Variants in FBH1 observed in about 807,000 individuals in gnomAD.
FBH1 encodes the protein F-box DNA helicase 1, also known as DNA 3'-5' helicase 1.
Under a neutral mutation model 115.5 loss-of-function variants are expected in FBH1, and 43 were observed. That is an observed-to-expected ratio of 0.37 (90% CI 0.29 to 0.48). The LOEUF is 0.48. Ranked by LOEUF, FBH1 falls within the 20% of genes least tolerant of loss-of-function variation. FBH1 has a pLI of 0.99. For missense variants in FBH1, 1,001 were observed against 1,337.3 expected (o/e 0.75, Z 3.92); for synonymous variants, 524 against 507.8 (o/e 1.03, Z -0.43).
rs569400762 is a variant in FBH1, at chr10:5,933,991, G to T, written c.2830-2465G>T. ...TGATCACAGCCTGTGAATAAATTTG[G>T]GGATATCCTGTTTCAGAAGTGTCGA... is the stretch of plus-strand genomic sequence containing the variant. On this transcript the variant is annotated intron_variant, in intron 19 of 20. Transcript: ENST00000362091. The surrounding 1 kb of genome is among the most constrained non-coding windows in gnomAD (Gnocchi z 4.9). Among the ~76,000 whole-genome samples the T allele has an allele frequency of 2.0e-5, 3 of 152,268 alleles. No homozygotes were observed. The highest frequency in any genetic ancestry group is 7.2e-5 in the African/African-American group (3 of 41,554).
intron 1 of FBH1, chr10:5,893,848 A>G (rs1297723181): frequency 7.0e-6 from 2 of 284,696 alleles, no homozygotes; most frequent in Non-Finnish European, 1.1e-5. Context: ...TCTGGGACAT[A>G]GCAGATACGT....
intron 19 of FBH1, chr10:5,934,229 TC>T (rs1833166279): frequency 6.6e-6 from 1 of 152,164 alleles, no homozygotes; most frequent in Non-Finnish European, 1.5e-5. Context: ...CTTTGACCCC[TC>T]CCCCTTAGAA....
At chr10:5,898,235 G>A (rs1450537945) in intron 1 of FBH1, among the ~76,000 whole-genome samples, 2 of 152,188 alleles carry the variant, frequency 1.3e-5, no homozygotes, top group Non-Finnish European at 2.9e-5. Flanking sequence ...TAAGATCGAG[G>A]TGCCAGCAGA....
chr10:5,916,147 C>A, intron 9 of FBH1, 87 bp from the exon 10 acceptor site: 3 of 1,195,098 alleles, frequency 2.5e-6, no homozygotes, highest in East Asian at 2.3e-5. Context: ...AAGCTACCTC[C>A]TGGTGACATT....
upstream of FBH1, chr10:5,889,906 CT>C (rs970128581): frequency 6.0e-6 from 1 of 165,332 alleles, no homozygotes; most frequent in Admixed American, 6.4e-5. Flanking sequence ...CCTCCAGCCC[CT>C]GGGGGCCGGC....
In FBH1 at chr10:5,927,355, A is replaced by G. The variant is rs115042275; in HGVS notation, c.2723-80A>G. 9.4e-4 allele frequency: 967 copies of G among 1,029,252 alleles called. 6 individuals carry two copies. The African/African-American group carries it at 0.014, about 14-fold the overall frequency. 63.8% of individuals were successfully genotyped at this position (1,029,252 alleles called of 1,614,324 possible). A position where few individuals can be genotyped will look rare whatever the true frequency, so the allele number is the denominator to read the frequency against. On this transcript the variant is annotated intron_variant, in intron 18 of 20. Transcript: ENST00000362091. ...CTGCGGGGAATGGGTGGGGGCTAGTAAACATTTAGATGAGACATAAGGTTT... is the reference window on the plus strand; with the variant it reads ...CTGCGGGGAATGGGTGGGGGCTAGTGAACATTTAGATGAGACATAAGGTTT...
At chr10:5,916,117 T>C in intron 9 of FBH1, 117 bp from the exon 10 acceptor site, 1 of 877,544 alleles carries the variant, frequency 1.1e-6, no homozygotes, top group Non-Finnish European at 1.8e-6. Flanking sequence ...ACATTAACAC[T>C]CGCCTGTGTG....
rs1416325476 is a variant in FBH1, at chr10:5,906,384, A to G, written c.505A>G (p.Ser169Gly). ...PREARQEAED[S>G]TSRLSAESGE... ...GGAGGCCAGGCAAGAAGCAGAGGAC[A>G]GTACGTCTCGGCTCTCTGCGGAGTC... Residue 169 changes from serine (S) to glycine (G), a missense_variant, in exon 3 of 21, where the codon AGT (serine) becomes GGT (glycine). Physicochemically the swap from Ser to Gly is moderately conservative, Grantham distance 56. Around this residue, in one of 4 missense-constraint regions of FBH1, gnomAD observed 420 missense variants for 430.4 expected, o/e 0.98. Transcript: ENST00000362091. The surrounding 1 kb of genome is among the most constrained non-coding windows in gnomAD (Gnocchi z 7.3). The G allele has an allele frequency of 6.2e-7, 1 of 1,614,118 alleles. No individual in the cohort carries two copies. Among genetic ancestry groups the G allele is most frequent in the South Asian group, 1.1e-5 (1 of 91,088 alleles).
chr10:5,915,307 CAG>C lies in FBH1; in HGVS notation c.1397-93_1397-92del, dbSNP rs1288099699. The C allele has an allele frequency of 1.4e-5, 18 of 1,292,222 alleles. No individual in the cohort carries two copies. The Admixed American group carries it at 3.5e-4, about 25-fold the overall frequency. 80.0% of individuals were successfully genotyped at this position (1,292,222 alleles called of 1,614,324 possible). A position where few individuals can be genotyped will look rare whatever the true frequency, so the allele number is the denominator to read the frequency against. On this transcript the variant is annotated intron_variant, in intron 8 of 20. Transcript: ENST00000362091. This position sits in a 1 kb window ranked among gnomAD's most constrained non-coding sequence, Gnocchi z 5.2. ...ACTTGTTACTGTCCTGCTCTCAAGACAGAGGTGTGATAAGCCTGGACAAGGCC... is the reference window on the plus strand; with the variant it reads ...ACTTGTTACTGTCCTGCTCTCAAGACAGGTGTGATAAGCCTGGACAAGGCC...
chr10:5,908,680 C>CA (rs1275847272), intron 3 of FBH1, among the ~76,000 whole-genome samples: 1 of 151,626 alleles, frequency 6.6e-6, no homozygotes, highest in Admixed American at 6.6e-5. Flanking sequence ...GATCTCGGCT[C>CA]ACTGCAACCT....
In FBH1 at chr10:5,925,316, G is replaced by T; in HGVS notation, c.2597-51G>T. The T allele has an allele frequency of 6.3e-7, 1 of 1,599,138 alleles. No individual in the cohort carries two copies. The highest frequency in any genetic ancestry group is 8.5e-7 in the Non-Finnish European group (1 of 1,171,972). On this transcript the variant is annotated intron_variant, in intron 17 of 20. Coordinates refer to ENST00000362091, the MANE Select transcript of FBH1 (RefSeq NM_178150.3). The surrounding 1 kb of genome is among the most constrained non-coding windows in gnomAD (Gnocchi z 4.6). ...GAAACATGTATGTTTTTGTCATCTTGTTTCTTTCCCTTTGAAGCACCATCT... is the reference window on the plus strand; with the variant it reads ...GAAACATGTATGTTTTTGTCATCTTTTTTCTTTCCCTTTGAAGCACCATCT...
rs1832435554 is a variant in FBH1, at chr10:5,923,570, CAAAACAAAAAACAACAAA to C, written c.2323-40_2323-23del. The C allele has an allele frequency of 2.0e-6, 3 of 1,498,496 alleles. No individual in the cohort carries two copies. The South Asian group carries it at 3.5e-5, about 17-fold the overall frequency. The allele number at this position is 1,498,496 out of a possible 1,614,324, so 92.8% of individuals were successfully genotyped here. On this transcript the variant is annotated intron_variant, in intron 15 of 20. Transcript: ENST00000362091. The surrounding 1 kb of genome is among the most constrained non-coding windows in gnomAD (Gnocchi z 5.7). ...TTTGTTAAAGCAACAACAAACAAAACAAAACAAAAAACAACAAAAAAACAAAAATCCCACCAAAAAACT... is the reference window on the plus strand; with the variant it reads ...TTTGTTAAAGCAACAACAAACAAAACAAAACAAAAATCCCACCAAAAAACT...
chr10:5,917,411 A>G lies in FBH1; in HGVS notation c.1789-9A>G, dbSNP rs747674491. ...CAAACTCTGGGTTACCATATGCTTT[A>G]CTTCCTAGAATGGTGTCCTTGAAGC... is the stretch of plus-strand genomic sequence containing the variant. On this transcript the variant is annotated splice_polypyrimidine_tract_variant and intron_variant, in intron 10 of 20. Coordinates refer to ENST00000362091, the MANE Select transcript of FBH1 (RefSeq NM_178150.3). The surrounding 1 kb of genome is among the most constrained non-coding windows in gnomAD (Gnocchi z 5.6). The G allele has an allele frequency of 6.2e-7, 1 of 1,613,190 alleles. No individual in the cohort carries two copies. Among genetic ancestry groups the G allele is most frequent in the Middle Eastern group, 1.6e-4 (1 of 6,080 alleles).
intron 18 of FBH1, 91 bp from the exon 19 acceptor site, chr10:5,927,344 T>C: frequency 1.1e-6 from 1 of 875,706 alleles, no homozygotes; most frequent in Non-Finnish European, 1.7e-6. Context: ...GGGGAATGGG[T>C]GGGGGCTAGT....
chr10:5,922,902 G>A (rs1052460412), intron 15 of FBH1, among the ~76,000 whole-genome samples: 2 of 151,994 alleles, frequency 1.3e-5, no homozygotes, highest in Non-Finnish European at 2.9e-5. Flanking sequence ...TCTTTTTTTT[G>A]AGACAGAGTC....
Position 5,936,374 on chromosome 10 carries a change from A to G in FBH1, c.2830-82A>G. ...CTTACAGTGCATCTAAAGGGTTCTC[A>G]CAGAGCCGCCGCTATCAGTGTTTCC... On this transcript the variant is annotated intron_variant, in intron 19 of 20. Transcript: ENST00000362091. The surrounding 1 kb of genome is among the most constrained non-coding windows in gnomAD (Gnocchi z 5.6). The G allele has an allele frequency of 6.5e-7, 1 of 1,533,340 alleles. No homozygotes were observed. Among genetic ancestry groups the G allele is most frequent in the African/African-American group, 1.4e-5 (1 of 73,384 alleles). The allele number at this position is 1,533,340 out of a possible 1,614,324, so 95.0% of individuals were successfully genotyped here. A position where few individuals can be genotyped will look rare whatever the true frequency, so the allele number is the denominator to read the frequency against.
chr10:5,921,643 C>T lies in FBH1; in HGVS notation c.2322+74C>T. The T allele has an allele frequency of 6.4e-7, 1 of 1,554,066 alleles. No homozygotes were observed. Among genetic ancestry groups the T allele is most frequent in the South Asian group, 1.2e-5 (1 of 81,204 alleles). ...CGAACATACCCAATGGAAATGTTCACCTTCCTTGGGATTATCATGCAAGAA... is the reference window on the plus strand; with the variant it reads ...CGAACATACCCAATGGAAATGTTCATCTTCCTTGGGATTATCATGCAAGAA... On this transcript the variant is annotated intron_variant, in intron 15 of 20. Coordinates refer to ENST00000362091, the MANE Select transcript of FBH1 (RefSeq NM_178150.3). This position sits in a 1 kb window ranked among gnomAD's most constrained non-coding sequence, Gnocchi z 6.4.
intron 1 of FBH1, 63 bp downstream of exon 1, chr10:5,890,409 C>T (rs1347319814): frequency 3.6e-5 from 13 of 362,694 alleles, no homozygotes; most frequent in Non-Finnish European, 5.2e-5. Context: ...GAAAACTTAA[C>T]CTCCGGGGTC....
chr10:5,897,394 G>GTGGAGGAGGTGGA lies in FBH1; in HGVS notation c.2-5626_2-5625insTGGAGGAGGTGGA, dbSNP rs1490847515. On this transcript the variant is annotated intron_variant, in intron 1 of 20. Transcript: ENST00000362091. The surrounding 1 kb of genome is among the most constrained non-coding windows in gnomAD (Gnocchi z 4.7). ...CAGAGGAGGTGGACACAGGGCTCCT[G>GTGGAGGAGGTGGA]CGGAGGAGGTGGACACAGGGCTCCT... 3.3e-5 allele frequency among the ~76,000 whole-genome samples: 5 copies of GTGGAGGAGGTGGA among 150,602 alleles called. No homozygotes were observed. Among genetic ancestry groups the GTGGAGGAGGTGGA allele is most frequent in the Admixed American group, 1.3e-4 (2 of 15,212 alleles).
Sources: allele counts gnomAD v4.1 joint callset (sites outside exome capture counted in the v4.1 genomes callset), GRCh38; gene constraint gnomAD v4.1.1; regional missense constraint gnomAD v4.1.1; non-coding constraint Gnocchi (gnomAD v3.1); transcripts MANE v1.5; gene names NCBI Gene and HGNC (gene_info 2026-07-23, HGNC 2026-07-21).